The following VTI1A variants were observed in gnomAD, a reference collection of about 807,000 sequenced individuals.
VTI1A encodes the protein vesicle transport through interaction with t-SNAREs 1A, also known as vesicle transport through interaction with t-SNAREs homolog 1A.
Under a neutral mutation model 34.9 loss-of-function variants are expected in VTI1A, and 22 were observed. The ratio of observed to expected loss-of-function variants is 0.63; its 90% CI spans 0.45 to 0.90. The LOEUF is 0.90. Among genes scored for constraint, VTI1A ranks in the 40% least tolerant of loss-of-function variants. VTI1A has a pLI of 0.00. For missense variants in VTI1A, 268 were observed against 275.6 expected, an observed-to-expected ratio of 0.97 and a Z score of 0.20; for synonymous variants, 87 against 97.3, an observed-to-expected ratio of 0.89 and a Z score of 0.62.
chr10:112,825,461 A>G, the VTI1A span: 1 of 152,208 alleles, frequency 6.6e-6, no homozygotes, highest in African/African-American at 2.4e-5. Flanking sequence ...AGCCCCCCCC[A>G]GATCCAGTAC....
chr10:112,698,164 C>T (rs1468469251), intron 7 of VTI1A, among the ~76,000 whole-genome samples: 2 of 152,160 alleles, frequency 1.3e-5, no homozygotes, highest in Non-Finnish European at 1.5e-5. Flanking sequence ...CTAGGAATCC[C>T]TGTTCTTAGT....
At chr10:112,703,019 A>G (rs1849066559) in intron 7 of VTI1A, among the ~76,000 whole-genome samples, 1 of 152,184 alleles carries the variant, frequency 6.6e-6, no homozygotes, top group Non-Finnish European at 1.5e-5. Flanking sequence ...TGATTTTTTT[A>G]ATCAATGACT....
chr10:112,743,013 C>CGTGTGTGTGTGT (rs10612255), intron 7 of VTI1A, among the ~76,000 whole-genome samples: 5 of 141,890 alleles, frequency 3.5e-5, no homozygotes, highest in African/African-American at 7.9e-5. Flanking sequence ...GACCTATTCT[C>CGTGTGTGTGTGT]GTGTGTGTGT....
intron 5 of VTI1A, among the ~76,000 whole-genome samples, chr10:112,549,152 G>T (rs1197528350): frequency 2.6e-5 from 4 of 152,142 alleles, no homozygotes; most frequent in African/African-American, 9.7e-5. Context: ...GACCCAAAAA[G>T]TATTCACTAC....
At chr10:112,771,404 C>T (rs184557468) in intron 7 of VTI1A, among the ~76,000 whole-genome samples, 54 of 152,300 alleles carry the variant, frequency 3.5e-4, no homozygotes, top group African/African-American at 1.3e-3. Flanking sequence ...GCACCCCTGC[C>T]CACATGAGGC....
At chr10:112,567,573 G>C (rs985328464) in intron 5 of VTI1A, among the ~76,000 whole-genome samples, 1 of 152,048 alleles carries the variant, frequency 6.6e-6, no homozygotes, top group Admixed American at 6.5e-5. Flanking sequence ...ATGTAATTAA[G>C]CCTTTTTCTC....
rs756231003 is a variant in VTI1A at position 112,815,434 on chromosome 10, T to G, written c.*51T>G. The G allele has an allele frequency of 6.7e-7, 1 of 1,483,110 alleles. No homozygotes were observed. The highest frequency in any genetic ancestry group is 2.3e-5 in the East Asian group (1 of 44,144). 91.9% of individuals were successfully genotyped at this position (1,483,110 alleles called of 1,614,324 possible). On this transcript the variant is annotated 3_prime_UTR_variant, in exon 8 of 8. Coordinates refer to ENST00000393077, the MANE Select transcript of VTI1A (RefSeq NM_145206.4). ...GCAACAACAGCTTGTTCTGAGTAATTAAGACAAAATGGTCACATGAATCAT... is the reference window on the plus strand; with the variant it reads ...GCAACAACAGCTTGTTCTGAGTAATGAAGACAAAATGGTCACATGAATCAT...
Position 112,604,239 on chromosome 10 carries a change from T to C in VTI1A, c.428-63979T>C, listed in dbSNP as rs542053630. ...GTTTGGGTATGTTATCCAACCTCTT[T>C]ATGCTCCATTTTCCTGACTTACAAA... On this transcript the variant is annotated intron_variant, in intron 5 of 7. Coordinates refer to ENST00000393077, the MANE Select transcript of VTI1A (RefSeq NM_145206.4). Among the ~76,000 whole-genome samples, 51 of 152,272 alleles carry C rather than the reference T, an allele frequency of 3.3e-4. No homozygotes were observed. In the South Asian group the frequency reaches 0.011, roughly 32 times the overall value.
intron 5 of VTI1A, among the ~76,000 whole-genome samples, chr10:112,616,077 A>G (rs1193565551): frequency 1.3e-5 from 2 of 152,204 alleles, no homozygotes; most frequent in East Asian, 3.8e-4. Flanking sequence ...ATATTAGATA[A>G]AAGTTTAAAC....
intron 7 of VTI1A, among the ~76,000 whole-genome samples, chr10:112,710,738 C>T (rs1849383458): frequency 6.6e-6 from 1 of 152,120 alleles, no homozygotes; most frequent in Non-Finnish European, 1.5e-5. Flanking sequence ...CTTGAGTTAT[C>T]TGCCTTAGCT....
chr10:112,768,177 AATTGCATGACG>A (rs1259416344), intron 7 of VTI1A, among the ~76,000 whole-genome samples: 1 of 152,198 alleles, frequency 6.6e-6, no homozygotes, highest in Non-Finnish European at 1.5e-5. Flanking sequence ...AATGAAAACA[AATTGCATGACG>A]AGTGTGAGGA....
intron 5 of VTI1A, among the ~76,000 whole-genome samples, chr10:112,616,720 A>G (rs1845524668): frequency 6.6e-6 from 1 of 152,194 alleles, no homozygotes; most frequent in South Asian, 2.1e-4. Flanking sequence ...AAGCAATATA[A>G]GACTATTAAA....
chr10:112,459,038 AG>A (rs1847640943), intron 1 of VTI1A, among the ~76,000 whole-genome samples: 1 of 152,186 alleles, frequency 6.6e-6, no homozygotes, highest in Admixed American at 6.5e-5. Context: ...GTCAGCTGGT[AG>A]GTGTTGTACC....
At chr10:112,679,162 TACC>T (rs1848130229) in intron 7 of VTI1A, among the ~76,000 whole-genome samples, 1 of 152,170 alleles carries the variant, frequency 6.6e-6, no homozygotes, top group African/African-American at 2.4e-5. Flanking sequence ...CTCCTATTTA[TACC>T]ACACAAGCAG....
chr10:112,583,673 G>A (rs1229870742), intron 5 of VTI1A, among the ~76,000 whole-genome samples: 2 of 152,178 alleles, frequency 1.3e-5, no homozygotes, highest in Non-Finnish European at 2.9e-5. Flanking sequence ...CCATTGTACT[G>A]TATGGCTGGT....
At chr10:112,471,598 T>C (rs991258723) in intron 3 of VTI1A, among the ~76,000 whole-genome samples, 5 of 152,112 alleles carry the variant, frequency 3.3e-5, no homozygotes, top group Admixed American at 6.5e-5. Context: ...TAATGTTCTC[T>C]TCACAATCCT....
At chr10:112,854,083 C>T in the VTI1A span, among the ~76,000 whole-genome samples, 2 of 152,106 alleles carry the variant, frequency 1.3e-5, no homozygotes, top group South Asian at 4.1e-4. Context: ...TGGCTGCCTC[C>T]CTGGGTCCTC....
At chr10:112,495,911 A>G (rs1312334129) in intron 3 of VTI1A, among the ~76,000 whole-genome samples, 1 of 152,210 alleles carries the variant, frequency 6.6e-6, no homozygotes, top group Non-Finnish European at 1.5e-5. Flanking sequence ...TTCAAAAAAG[A>G]GGGCATTTTA....
chr10:112,842,040 T>C, the VTI1A span, among the ~76,000 whole-genome samples: 2 of 142,660 alleles, frequency 1.4e-5, no homozygotes, highest in Non-Finnish European at 3.1e-5. Context: ...TTCTTTTCTT[T>C]TTTTTTTTTC....
Sources: allele counts gnomAD v4.1 joint callset (sites outside exome capture counted in the v4.1 genomes callset), GRCh38; gene constraint gnomAD v4.1.1; transcripts MANE v1.5; gene names NCBI Gene and HGNC (gene_info 2026-07-23, HGNC 2026-07-21).